The following KCNG3 variants were observed in gnomAD, a reference collection of about 807,000 sequenced individuals.
The protein encoded by KCNG3 is potassium voltage-gated channel modifier subfamily G member 3.
KCNG3 carries 15 observed loss-of-function variants against 29.0 expected under a neutral mutation model. The ratio of observed to expected loss-of-function variants is 0.52; its 90% CI spans 0.35 to 0.80. KCNG3 has a LOEUF of 0.80. KCNG3 is among the 30% of genes least tolerant of loss of function. The pLI is 0.01. For synonymous variants in KCNG3, 322 were observed against 248.9 expected (o/e 1.29, Z -2.76); for missense variants, 512 against 605.7 (o/e 0.85, Z 1.62).
At chr2:42,491,266 T>C (rs1673868556) in intron 1 of KCNG3, among the ~76,000 whole-genome samples, 1 of 152,126 alleles carries the variant, frequency 6.6e-6, no homozygotes, top group Non-Finnish European at 1.5e-5. Context: ...ACATTAATGA[T>C]CTCCATATGG....
chr2:42,482,213 A>G (rs1229948195), intron 1 of KCNG3, among the ~76,000 whole-genome samples: 1 of 152,222 alleles, frequency 6.6e-6, no homozygotes, highest in East Asian at 1.9e-4. Context: ...TCGGTGCTCA[A>G]TAAATGTTTG....
chr2:42,467,937 C>T (rs915170607), intron 1 of KCNG3, among the ~76,000 whole-genome samples: 13 of 148,318 alleles, frequency 8.8e-5, no homozygotes, highest in Non-Finnish European at 1.5e-4. Context: ...TGCCACTGCA[C>T]ATCAGCCTGG....
chr2:42,473,492 G>C (rs1252310109), intron 1 of KCNG3, among the ~76,000 whole-genome samples: 3 of 152,000 alleles, frequency 2.0e-5, no homozygotes, highest in African/African-American at 7.2e-5. Context: ...TGGGACTACA[G>C]GCACACACCA....
At chr2:42,431,135 T>G in the KCNG3 span, among the ~76,000 whole-genome samples, 1 of 151,952 alleles carries the variant, frequency 6.6e-6, no homozygotes, top group Non-Finnish European at 1.5e-5. Context: ...TATAAAACAT[T>G]TATACATTTT....
Position 42,444,409 on chromosome 2 carries a change from G to C in KCNG3, c.836C>G (p.Ser279Cys). ...GGTGACTCCAGCCCTCTGGAGTTGA[G>C]AGTTCTCGCCTGTAAACACTGTCAT... is the stretch of plus-strand genomic sequence containing the variant. ...VLMTVFTGENSQLQRAGVTLR... is the reference protein window; with the variant it reads ...VLMTVFTGENCQLQRAGVTLR... Residue 279 changes from serine to cysteine, a missense_variant, in exon 2 of 2, where the codon TCT (serine) becomes TGT (cysteine). Ser to Cys is a moderately radical substitution (Grantham distance 112). This residue lies in a region of KCNG3 where 173 missense variants were observed against 262.4 expected (regional missense o/e 0.66). Coordinates refer to ENST00000306078, the MANE Select transcript of KCNG3 (RefSeq NM_133329.6). This position sits in a 1 kb window ranked among gnomAD's most constrained non-coding sequence, Gnocchi z 5.8. The C allele has an allele frequency of 6.2e-7, 1 of 1,614,128 alleles. No individual in the cohort carries two copies.
intron 1 of KCNG3, among the ~76,000 whole-genome samples, chr2:42,475,326 T>C (rs1327742199): frequency 3.5e-5 from 5 of 142,976 alleles, no homozygotes; most frequent in South Asian, 4.4e-4. Context: ...TCTGTCTCTT[T>C]TTTTTTTTTT....
At chr2:42,465,076 T>G (rs1417094006) in intron 1 of KCNG3, among the ~76,000 whole-genome samples, 3 of 152,206 alleles carry the variant, frequency 2.0e-5, no homozygotes, top group Non-Finnish European at 4.4e-5. Context: ...TTTGGTGTGT[T>G]GATTTTAACA....
At chr2:42,472,809 T>C (rs961379785) in intron 1 of KCNG3, among the ~76,000 whole-genome samples, 1 of 149,072 alleles carries the variant, frequency 6.7e-6, no homozygotes, top group South Asian at 2.1e-4. Flanking sequence ...TCTATACATA[T>C]ATCGATATAT....
At chr2:42,457,212 C>T (rs1039788788) in intron 1 of KCNG3, among the ~76,000 whole-genome samples, 4 of 151,880 alleles carry the variant, frequency 2.6e-5, no homozygotes, top group Admixed American at 1.3e-4. Context: ...TGGCCAAGTG[C>T]GGTAGCTCAT....
intron 1 of KCNG3, among the ~76,000 whole-genome samples, chr2:42,472,864 AAT>A (rs955890057): frequency 2.1e-4 from 31 of 146,124 alleles, no homozygotes; most frequent in African/African-American, 5.9e-4. Flanking sequence ...ATAATCTATA[AAT>A]ATATATATAT....
At chr2:42,445,209 T>C (rs368490157) in intron 1 of KCNG3, among the ~76,000 whole-genome samples, 8 of 152,166 alleles carry the variant, frequency 5.3e-5, no homozygotes, top group Non-Finnish European at 2.9e-5. Flanking sequence ...AATTAACTTA[T>C]CTTCAGTTGG....
the KCNG3 span, among the ~76,000 whole-genome samples, chr2:42,421,007 T>C: frequency 6.6e-6 from 1 of 152,156 alleles, no homozygotes; most frequent in African/African-American, 2.4e-5. Context: ...GCTTTATGAG[T>C]AAGAATGACT....
At chr2:42,413,036 C>G in the KCNG3 span, among the ~76,000 whole-genome samples, 1 of 152,150 alleles carries the variant, frequency 6.6e-6, no homozygotes, top group African/African-American at 2.4e-5. Context: ...GTGGTGCAAT[C>G]ATAGTTCACT....
At chr2:42,405,410 C>A in the KCNG3 span, among the ~76,000 whole-genome samples, 1 of 149,528 alleles carries the variant, frequency 6.7e-6, no homozygotes, top group Non-Finnish European at 1.5e-5. Flanking sequence ...CTTCTGCATT[C>A]ATTGGGTTCA....
chr2:42,396,410 C>G, the KCNG3 span, among the ~76,000 whole-genome samples: 1 of 152,234 alleles, frequency 6.6e-6, no homozygotes, highest in South Asian at 2.1e-4. Context: ...TTTCATTGTC[C>G]TATTTCTTCT....
At chr2:42,451,462 C>T (rs983278075) in intron 1 of KCNG3, among the ~76,000 whole-genome samples, 8 of 151,696 alleles carry the variant, frequency 5.3e-5, no homozygotes, top group South Asian at 2.1e-4. Flanking sequence ...CAGTGGCTCA[C>T]GCCTGTAATC....
Position 42,459,854 on chromosome 2 carries a change from T to C in KCNG3, c.666-15275A>G, listed in dbSNP as rs79941576. On this transcript the variant is annotated intron_variant, in intron 1 of 1. Transcript: ENST00000306078. ...AGCTGGGCATGGTGGCGGACACCTG[T>C]AGTCCTAGCTACTCGGGAGGCTGAG... 6.4e-4 allele frequency among the ~76,000 whole-genome samples: 98 copies of C among 151,970 alleles called. 4 individuals carry two copies. In the East Asian group the frequency reaches 0.017, roughly 26 times the overall value.
At chr2:42,479,753 G>A (rs1359808248) in intron 1 of KCNG3, among the ~76,000 whole-genome samples, 2 of 150,038 alleles carry the variant, frequency 1.3e-5, no homozygotes, top group East Asian at 2.0e-4. Context: ...ACTCACGCCT[G>A]TAATCCCAGC....
chr2:42,466,510 C>T (rs1673144336), intron 1 of KCNG3, among the ~76,000 whole-genome samples: 3 of 152,124 alleles, frequency 2.0e-5, no homozygotes, highest in Admixed American at 2.0e-4. Flanking sequence ...AAGCTTGTGG[C>T]CTAGGAGCAA....
Sources: gnomAD v4.1 joint callset for allele counts (sites outside exome capture counted in the v4.1 genomes callset) on GRCh38, gnomAD v4.1.1 for gene constraint, gnomAD v4.1.1 regional missense constraint, Gnocchi (gnomAD v3.1) non-coding constraint, MANE v1.5 for transcripts, NCBI Gene and HGNC (gene_info 2026-07-23, HGNC 2026-07-21) for gene names.